RNF157: variants seen among roughly 807,000 people sequenced by gnomAD.
RNF157 encodes the protein E3 ubiquitin ligase RNF157.
In RNF157, 55 loss-of-function variants were observed where a neutral mutation model predicts 88.3. The observed-to-expected ratio is 0.62, with a 90% CI of 0.50 to 0.78. RNF157 has a LOEUF of 0.78. Among genes scored for constraint, RNF157 ranks in the 30% least tolerant of loss-of-function variants. The pLI is 0.00. For synonymous variants in RNF157, 334 were observed against 341.2 expected (o/e 0.98, Z 0.23); for missense variants, 788 against 860.8 (o/e 0.92, Z 1.06).
chr17:76,213,569 C>CAAAA (rs532739758), intron 1 of RNF157, among the ~76,000 whole-genome samples: 6 of 76,082 alleles, frequency 7.9e-5, no homozygotes, highest in African/African-American at 2.3e-4. Flanking sequence ...AACTCCATCT[C>CAAAA]AAAAAAAAAA....
chr17:76,232,084 T>C (rs2070201886), intron 1 of RNF157, among the ~76,000 whole-genome samples: 5 of 152,178 alleles, frequency 3.3e-5, no homozygotes, highest in Admixed American at 3.3e-4. Context: ...AGTTTATCCC[T>C]TTAAATTGTT....
At chr17:76,208,411 A>G (rs2069719177) in intron 2 of RNF157, among the ~76,000 whole-genome samples, 2 of 152,160 alleles carry the variant, frequency 1.3e-5, no homozygotes, top group South Asian at 4.1e-4. Flanking sequence ...TGCAGTCTTT[A>G]AACTCTCTGT....
At chr17:76,194,331 T>C (rs776873218) in intron 2 of RNF157, among the ~76,000 whole-genome samples, 1 of 152,180 alleles carries the variant, frequency 6.6e-6, no homozygotes, top group Non-Finnish European at 1.5e-5. Context: ...TTAAGTAAAA[T>C]AGCCAAAGGC....
At chr17:76,222,399 T>G (rs34435056) in intron 1 of RNF157, among the ~76,000 whole-genome samples, 1 of 151,590 alleles carries the variant, frequency 6.6e-6, no homozygotes, top group Non-Finnish European at 1.5e-5. Flanking sequence ...TGCAACACTG[T>G]GAATGTTCAA....
chr17:76,212,693 C>G (rs1488330281), intron 1 of RNF157, among the ~76,000 whole-genome samples: 1 of 152,080 alleles, frequency 6.6e-6, no homozygotes, highest in African/African-American at 2.4e-5. Flanking sequence ...AAAACCCTGT[C>G]TCTACTAAAA....
intron 2 of RNF157, among the ~76,000 whole-genome samples, chr17:76,210,328 TCA>T (rs1259865281): frequency 6.6e-6 from 1 of 151,892 alleles, no homozygotes; most frequent in African/African-American, 2.4e-5. Flanking sequence ...GCGCAGTGGC[TCA>T]TGCCTGTAAT....
intron 4 of RNF157, 111 bp downstream of exon 4, chr17:76,167,540 G>A: frequency 6.8e-7 from 1 of 1,477,664 alleles, no homozygotes; most frequent in Non-Finnish European, 9.3e-7. Context: ...ATCTGGGAAG[G>A]AAGTGGCTCG....
chr17:76,210,995 G>A (rs1454759525), intron 2 of RNF157, among the ~76,000 whole-genome samples: 1 of 152,124 alleles, frequency 6.6e-6, no homozygotes, highest in Admixed American at 6.5e-5. Context: ...AATAGAGATA[G>A]GGTTTCACCA....
intron 2 of RNF157, among the ~76,000 whole-genome samples, chr17:76,182,648 A>C (rs1335409527): frequency 1.3e-5 from 2 of 151,278 alleles, no homozygotes; most frequent in African/African-American, 4.9e-5. Flanking sequence ...AGTCTACAAA[A>C]AAACACAATA....
chr17:76,159,656 A>T, intron 11 of RNF157, 83 bp from the exon 12 acceptor site: 1 of 1,008,236 alleles, frequency 9.9e-7, no homozygotes, highest in Non-Finnish European at 1.5e-6. Context: ...CTACACTGAA[A>T]AAAATGTTTT....
At chr17:76,172,495 G>A (rs796751666) in intron 3 of RNF157, among the ~76,000 whole-genome samples, 9 of 151,268 alleles carry the variant, frequency 5.9e-5, no homozygotes, top group African/African-American at 2.2e-4. Context: ...GGAGGATAAG[G>A]CAGAAGAATC....
intron 2 of RNF157, among the ~76,000 whole-genome samples, chr17:76,183,732 T>C (rs1180875916): frequency 1.3e-5 from 2 of 149,862 alleles, no homozygotes; most frequent in East Asian, 3.9e-4. Context: ...CTGTCCTTTA[T>C]CATTCAATTA....
intron 2 of RNF157, among the ~76,000 whole-genome samples, chr17:76,206,541 A>G (rs1254547112): frequency 3.9e-5 from 6 of 152,200 alleles, no homozygotes; most frequent in Non-Finnish European, 7.3e-5. Flanking sequence ...AAGGTGGCTC[A>G]TGCCACCTAG....
At chr17:76,154,169 C>T (rs2068725203) in intron 17 of RNF157, 114 bp downstream of exon 17, 1 of 774,558 alleles carries the variant, frequency 1.3e-6, no homozygotes, top group Admixed American at 1.8e-5. Flanking sequence ...TCTAACAGCC[C>T]CATACAACTG....
chr17:76,155,712 G>A lies in RNF157; in HGVS notation c.1548C>T (p.Ala516=), dbSNP rs762466677. The A allele has an allele frequency of 3.1e-6, 5 of 1,590,148 alleles. No individual in the cohort carries two copies. In the African/African-American group the frequency reaches 6.7e-5, roughly 21 times the overall value. ...SPEGPASSSL[A]QSVMSMASSQ... is the part of the protein sequence containing the mutation. ...AGGATGCCATGGACATGACAGACTGGGCCAAGCTGCTGCTGGCAGGGCCTT... is the reference window on the plus strand; with the variant it reads ...AGGATGCCATGGACATGACAGACTGAGCCAAGCTGCTGCTGGCAGGGCCTT... Residue 516 remains alanine (A), a synonymous_variant, in exon 15 of 19, where the codon GCC becomes GCT. Transcript: ENST00000269391.
At chr17:76,169,177 G>T (rs1433397806) in intron 3 of RNF157, among the ~76,000 whole-genome samples, 1 of 152,038 alleles carries the variant, frequency 6.6e-6, no homozygotes, top group African/African-American at 2.4e-5. Flanking sequence ...TATTACTTGC[G>T]TCTTTCTTCT....
In RNF157 at chr17:76,161,046, T is replaced by A. The variant is rs2068837967; in HGVS notation, c.1065+489A>T. On this transcript the variant is annotated intron_variant, in intron 11 of 18. Transcript: ENST00000269391. The surrounding 1 kb of genome is among the most constrained non-coding windows in gnomAD (Gnocchi z 4.6). Reference sequence around the variant, plus strand: ...TGCGTTAGTCTAAAGAAAGACAGTATCTGCTGCTCTCTAACTGCAAAGCTT... The same window carrying A: ...TGCGTTAGTCTAAAGAAAGACAGTAACTGCTGCTCTCTAACTGCAAAGCTT... Among the ~76,000 whole-genome samples, 1 of 152,218 alleles carries A rather than the reference T, an allele frequency of 6.6e-6. No homozygotes were observed. The highest frequency in any genetic ancestry group is 2.1e-4 in the South Asian group (1 of 4,834).
intron 17 of RNF157, chr17:76,153,215 T>C (rs543566306): frequency 2.6e-5 from 4 of 152,322 alleles, no homozygotes; most frequent in East Asian, 1.9e-4. Context: ...GAAGCAAATA[T>C]TCTATGGGAG....
At chr17:76,165,788 T>G (rs2068914288) in intron 6 of RNF157, among the ~76,000 whole-genome samples, 1 of 151,964 alleles carries the variant, frequency 6.6e-6, no homozygotes, top group South Asian at 2.1e-4. Context: ...GCAATTCTCC[T>G]GCCTCAGCCT....
Sources: allele counts gnomAD v4.1 joint callset (sites outside exome capture counted in the v4.1 genomes callset), GRCh38; gene constraint gnomAD v4.1.1; non-coding constraint Gnocchi (gnomAD v3.1); transcripts MANE v1.5; gene names NCBI Gene and HGNC (gene_info 2026-07-23, HGNC 2026-07-21).